Variants in DISC1 observed in about 807,000 individuals in gnomAD.
The protein encoded by DISC1 is DISC1 scaffold protein, also known as disrupted in schizophrenia 1 protein.
In DISC1, 57 loss-of-function variants were observed where a neutral mutation model predicts 84.5. The observed-to-expected ratio is 0.67, with a 90% CI of 0.55 to 0.84. The LOEUF is 0.84. DISC1 is among the 40% of genes least tolerant of loss of function. DISC1 has a pLI of 0.00. For synonymous variants in DISC1, 411 were observed against 415.2 expected (o/e 0.99, Z 0.12); for missense variants, 1,000 against 1,057.8 (o/e 0.95, Z 0.76).
chr1:231,720,731 C>A (rs765805889), intron 3 of DISC1: 17 of 757,154 alleles, frequency 2.2e-5, no homozygotes, highest in Non-Finnish European at 2.9e-5. Context: ...TCCCTTGGGG[C>A]TTTCTGCATG....
Position 231,818,396 on chromosome 1 carries a change from G to T in DISC1, c.1860G>T (p.Gly620=). The T allele has an allele frequency of 2.5e-6, 4 of 1,614,162 alleles. No individual in the cohort carries two copies. The highest frequency in any genetic ancestry group is 3.4e-6 in the Non-Finnish European group (4 of 1,180,006). ...GATCATTAACATCAGAGAGAGAAGGGCTGGAGGGACTCCTCAGCAAGCTGT... is the reference window on the plus strand; with the variant it reads ...GATCATTAACATCAGAGAGAGAAGGTCTGGAGGGACTCCTCAGCAAGCTGT... ...EIRSLTSERE[G]LEGLLSKLLV... Residue 620 remains glycine, a synonymous_variant, in exon 9 of 13, where the codon GGG becomes GGT. Coordinates refer to ENST00000439617, the MANE Select transcript of DISC1 (RefSeq NM_018662.3).
intron 3 of DISC1, among the ~76,000 whole-genome samples, chr1:231,747,435 A>G (rs2074114212): frequency 6.6e-6 from 1 of 152,214 alleles, no homozygotes; most frequent in African/African-American, 2.4e-5. Context: ...TTTTCATATA[A>G]GGTGAGAGAC....
chr1:231,642,033 G>C (rs1174377394), intron 1 of DISC1, among the ~76,000 whole-genome samples: 1 of 152,220 alleles, frequency 6.6e-6, no homozygotes, highest in African/African-American at 2.4e-5. Context: ...GGGCTGCACA[G>C]GAGCCCACGA....
At position 231,693,813 on chromosome 1, in the gene DISC1, CT is replaced by C; in HGVS notation, c.68-9del. 1.2e-6 allele frequency: 2 copies of C among 1,612,772 alleles called. No homozygotes were observed. The highest frequency in any genetic ancestry group is 1.7e-6 in the Non-Finnish European group (2 of 1,180,024). On this transcript the variant is annotated splice_polypyrimidine_tract_variant and intron_variant, in intron 1 of 12. Coordinates refer to ENST00000439617, the MANE Select transcript of DISC1 (RefSeq NM_018662.3). The stretch of plus-strand genomic sequence containing the variant: ...CTGCATGTTTATGGTGCTGTTTTTT[CT>C]TTTCTTCCCAGGCAGCCGGGATTGC...
Position 231,675,749 on chromosome 1 carries a change from C to T in DISC1, c.68-18077C>T, listed in dbSNP as rs940155406. Among the ~76,000 whole-genome samples the T allele has an allele frequency of 6.6e-6, 1 of 152,118 alleles. No homozygotes were observed. Among genetic ancestry groups the T allele is most frequent in the Non-Finnish European group, 1.5e-5 (1 of 68,012 alleles). ...TCTTGTCTTCGAGGTCCTTCTTACT[C>T]CCTTGTCCAATGTGTGACATCTTAT... is the stretch of plus-strand genomic sequence containing the variant. On this transcript the variant is annotated intron_variant, in intron 1 of 12. Transcript: ENST00000439617. The surrounding 1 kb of genome is among the most constrained non-coding windows in gnomAD (Gnocchi z 4.1).
intron 8 of DISC1, among the ~76,000 whole-genome samples, chr1:231,812,057 G>A (rs947334713): frequency 4.6e-5 from 7 of 152,034 alleles, no homozygotes; most frequent in African/African-American, 1.2e-4. Flanking sequence ...AGTACAGAGG[G>A]CAGGTATTTT....
intron 9 of DISC1, among the ~76,000 whole-genome samples, chr1:231,889,010 A>G (rs1440132298): frequency 2.0e-5 from 3 of 152,128 alleles, no homozygotes; most frequent in Admixed American, 6.5e-5. Context: ...AATGGGAGAC[A>G]TGTTTCCACC....
chr1:231,965,701 G>C (rs1425563127), intron 10 of DISC1, among the ~76,000 whole-genome samples: 1 of 152,248 alleles, frequency 6.6e-6, no homozygotes, highest in Non-Finnish European at 1.5e-5. Context: ...ATCTGCACCA[G>C]GTGACTGATG....
intron 1 of DISC1, among the ~76,000 whole-genome samples, chr1:231,657,122 A>T (rs567303535): frequency 6.6e-6 from 1 of 152,348 alleles, no homozygotes; most frequent in African/African-American, 2.4e-5. Context: ...TTTATAACAC[A>T]ATGATTTATA....
chr1:231,756,633 G>T (rs1232667981), intron 4 of DISC1, among the ~76,000 whole-genome samples: 2 of 151,662 alleles, frequency 1.3e-5, no homozygotes, highest in Non-Finnish European at 2.9e-5. Context: ...TTCTGAAATT[G>T]CCAGCAAGAA....
chr1:231,745,311 T>C (rs2073848003), intron 3 of DISC1: 2 of 152,402 alleles, frequency 1.3e-5, no homozygotes, highest in African/African-American at 4.8e-5. Flanking sequence ...ATCCTTCATC[T>C]CCTGAGTTCA....
At chr1:231,657,338 G>A (rs1558261522) in intron 1 of DISC1, among the ~76,000 whole-genome samples, 1 of 152,212 alleles carries the variant, frequency 6.6e-6, no homozygotes, top group Non-Finnish European at 1.5e-5. Flanking sequence ...ACTGGTGTTA[G>A]ATCGTATCTT....
At chr1:231,708,666 T>G (rs2067404633) in intron 3 of DISC1, among the ~76,000 whole-genome samples, 2 of 152,200 alleles carry the variant, frequency 1.3e-5, no homozygotes, top group African/African-American at 4.8e-5. Flanking sequence ...GGACCAGCTG[T>G]GTGCTCTGGC....
rs566174456 is a variant in DISC1 at position 231,833,186 on chromosome 1, G to A, written c.1981+14669G>A. 4.6e-4 allele frequency among the ~76,000 whole-genome samples: 70 copies of A among 150,698 alleles called. 1 individual carries two copies. The highest frequency in any genetic ancestry group is 1.6e-3 in the African/African-American group (65 of 40,190). On this transcript the variant is annotated intron_variant, in intron 9 of 12. Coordinates refer to ENST00000439617, the MANE Select transcript of DISC1 (RefSeq NM_018662.3). ...TAGTTAAAGTGTCTCAGCCTAATAA[G>A]GGAACTGGACAGGTGGGGACAATTA...
intron 1 of DISC1, among the ~76,000 whole-genome samples, chr1:231,676,393 C>T (rs1332174020): frequency 6.6e-6 from 1 of 152,188 alleles, no homozygotes. Flanking sequence ...ACCTACCTGT[C>T]CCACCGGTCT....
intron 10 of DISC1, among the ~76,000 whole-genome samples, chr1:231,964,979 TGGCTA>T (rs1472852319): frequency 6.6e-6 from 1 of 152,236 alleles, no homozygotes; most frequent in African/African-American, 2.4e-5. Flanking sequence ...AACCTAAATC[TGGCTA>T]GTCACCATTT....
At chr1:231,657,764 C>T (rs2061236395) in intron 1 of DISC1, among the ~76,000 whole-genome samples, 1 of 152,106 alleles carries the variant, frequency 6.6e-6, no homozygotes, top group Non-Finnish European at 1.5e-5. Flanking sequence ...TTGTTTTTGT[C>T]TAGTTTGTTG....
intron 9 of DISC1, among the ~76,000 whole-genome samples, chr1:231,955,486 C>CTTT (rs200610198): frequency 7.5e-6 from 1 of 133,276 alleles, no homozygotes. Flanking sequence ...TCATTCTTGA[C>CTTT]TTTTTTTTTT....
chr1:231,712,536 G>A (rs1420897235), intron 3 of DISC1, among the ~76,000 whole-genome samples: 1 of 152,190 alleles, frequency 6.6e-6, no homozygotes, highest in Admixed American at 6.5e-5. Flanking sequence ...CTTGAAAATG[G>A]TGGGAAACTT....
Sources: allele counts gnomAD v4.1 joint callset (sites outside exome capture counted in the v4.1 genomes callset), GRCh38; gene constraint gnomAD v4.1.1; non-coding constraint Gnocchi (gnomAD v3.1); transcripts MANE v1.5; gene names NCBI Gene and HGNC (gene_info 2026-07-23, HGNC 2026-07-21).